The following INPP4B variants were observed in gnomAD, a reference collection of about 807,000 sequenced individuals.
The protein encoded by INPP4B is inositol polyphosphate 4-phosphatase type II.
INPP4B carries 55 observed loss-of-function variants against 122.5 expected under a neutral mutation model. The ratio of observed to expected loss-of-function variants is 0.45; its 90% CI spans 0.36 to 0.56. INPP4B has a LOEUF of 0.56. INPP4B is among the 20% of genes least tolerant of loss of function. The pLI, the probability that INPP4B is intolerant of heterozygous loss-of-function variation, is 0.00. For missense variants in INPP4B, 1,000 were observed against 1,097.7 expected (o/e 0.91, Z 1.26); for synonymous variants, 403 against 388.7 (o/e 1.04, Z -0.43).
intron 3 of INPP4B, among the ~76,000 whole-genome samples, chr4:142,459,598 C>A (rs868283272): frequency 2.0e-5 from 3 of 152,066 alleles, no homozygotes; most frequent in African/African-American, 7.2e-5. Context: ...CATGCAGAAG[C>A]AGCACATTTT....
chr4:142,433,452 T>C (rs1406295905), intron 3 of INPP4B, among the ~76,000 whole-genome samples: 1 of 152,102 alleles, frequency 6.6e-6, no homozygotes, highest in East Asian at 1.9e-4. Flanking sequence ...TCTCTCACCC[T>C]CCCCCAGGGA....
chr4:142,305,225 T>C (rs1050462327), intron 9 of INPP4B, among the ~76,000 whole-genome samples: 4 of 152,200 alleles, frequency 2.6e-5, no homozygotes, highest in Admixed American at 6.5e-5. Context: ...AATGATAATG[T>C]AATATTGTTT....
intron 1 of INPP4B, among the ~76,000 whole-genome samples, chr4:142,812,327 T>C (rs1277091194): frequency 1.3e-5 from 2 of 152,180 alleles, no homozygotes; most frequent in Non-Finnish European, 2.9e-5. Context: ...ACTCCTCTCA[T>C]AGCTGTGGTT....
At chr4:142,696,793 G>C (rs1761091024) in intron 2 of INPP4B, among the ~76,000 whole-genome samples, 1 of 152,170 alleles carries the variant, frequency 6.6e-6, no homozygotes, top group Admixed American at 6.5e-5. Context: ...ATAACACCAA[G>C]GCTGTCCAAG....
intron 23 of INPP4B, among the ~76,000 whole-genome samples, chr4:142,097,010 C>A (rs990551274): frequency 6.6e-6 from 1 of 151,826 alleles, no homozygotes; most frequent in African/African-American, 2.4e-5. Context: ...TCCTGGGGAA[C>A]ACTTATTTAA....
In INPP4B at chr4:142,123,458, G is replaced by A. The variant is rs529853743; in HGVS notation, c.1894-43C>T. ...ATGAGATTTACTGCAGTTAGCAAAC[G>A]TATTTGTTTTATTTTGAAATATTTT... On this transcript the variant is annotated intron_variant, in intron 19 of 25. Coordinates refer to ENST00000262992, the MANE Select transcript of INPP4B (RefSeq NM_001101669.3). 3.0e-5 allele frequency: 48 copies of A among 1,587,986 alleles called. No individual in the cohort carries two copies. In the East Asian group the frequency reaches 6.5e-4, roughly 22 times the overall value.
intron 11 of INPP4B, among the ~76,000 whole-genome samples, chr4:142,252,477 C>T (rs544160280): frequency 3.9e-5 from 6 of 152,166 alleles, no homozygotes; most frequent in Middle Eastern, 3.4e-3. Flanking sequence ...CGTGAGCCAC[C>T]GCGCCCGGCC....
At chr4:142,608,056 A>G (rs761958270) in intron 2 of INPP4B, among the ~76,000 whole-genome samples, 1 of 152,188 alleles carries the variant, frequency 6.6e-6, no homozygotes, top group Non-Finnish European at 1.5e-5. Flanking sequence ...ATTTACTGCT[A>G]TATTTTCAGA....
chr4:142,157,168 A>T (rs896083770), intron 17 of INPP4B, among the ~76,000 whole-genome samples: 4 of 152,124 alleles, frequency 2.6e-5, no homozygotes, highest in African/African-American at 9.7e-5. Context: ...ATTTAATACC[A>T]CAGTCTCTAA....
chr4:142,628,701 T>C (rs1367055278), intron 2 of INPP4B, among the ~76,000 whole-genome samples: 1 of 151,996 alleles, frequency 6.6e-6, no homozygotes, highest in African/African-American at 2.4e-5. Context: ...TTTCATAAGA[T>C]ATGGCCCCAC....
At chr4:142,388,672 A>G (rs765030488) in intron 7 of INPP4B, among the ~76,000 whole-genome samples, 1 of 152,182 alleles carries the variant, frequency 6.6e-6, no homozygotes, top group Non-Finnish European at 1.5e-5. Context: ...TTGCATTTTG[A>G]GAGAGCTTTA....
At chr4:142,113,037 G>A (rs1423673512) in intron 21 of INPP4B, among the ~76,000 whole-genome samples, 5 of 151,900 alleles carry the variant, frequency 3.3e-5, no homozygotes, top group African/African-American at 4.8e-5. Context: ...ATAATTTAAT[G>A]ACTGCTGTTT....
rs562097568 is a variant in INPP4B, at chr4:142,064,418, G to A, written c.2642+17613C>T. Among the ~76,000 whole-genome samples the A allele has an allele frequency of 3.4e-4, 51 of 152,132 alleles. 2 individuals are homozygous for A. The South Asian group carries it at 9.6e-3, about 29-fold the overall frequency. The stretch of plus-strand genomic sequence containing the variant: ...TGTGGTCAAGCTGAACCCATGGTAG[G>A]TCTACACAGTGGTCTCGGTTGCCAT... On this transcript the variant is annotated intron_variant, in intron 25 of 25. Coordinates refer to ENST00000262992, the MANE Select transcript of INPP4B (RefSeq NM_001101669.3).
intron 2 of INPP4B, among the ~76,000 whole-genome samples, chr4:142,521,702 C>T (rs1172653061): frequency 1.3e-5 from 2 of 151,930 alleles, no homozygotes; most frequent in African/African-American, 4.8e-5. Flanking sequence ...TTTATACTTT[C>T]GATTCATATA....
chr4:142,146,104 G>A, intron 17 of INPP4B, 108 bp from the exon 18 acceptor site: 2 of 1,208,794 alleles, frequency 1.7e-6, no homozygotes, highest in Non-Finnish European at 1.2e-6. Flanking sequence ...TCATTAGAAT[G>A]CAGATTGAGT....
intron 25 of INPP4B, among the ~76,000 whole-genome samples, chr4:142,051,490 G>A (rs934962839): frequency 4.0e-5 from 6 of 151,664 alleles, no homozygotes; most frequent in Non-Finnish European, 5.9e-5. Context: ...TGGTTTCATC[G>A]GTTTTTGCTT....
chr4:142,222,433 C>T (rs1173773987), intron 12 of INPP4B, among the ~76,000 whole-genome samples: 1 of 152,128 alleles, frequency 6.6e-6, no homozygotes, highest in African/African-American at 2.4e-5. Context: ...TGGTCTAAGC[C>T]ACCATCATCA....
intron 9 of INPP4B, among the ~76,000 whole-genome samples, chr4:142,299,829 T>A (rs1255495924): frequency 6.6e-6 from 1 of 151,414 alleles, no homozygotes; most frequent in East Asian, 1.9e-4. Flanking sequence ...TGGAAGACTA[T>A]TAAAAGAGAA....
At chr4:142,030,071 C>A in intron 25 of INPP4B, 2 of 1,440,536 alleles carry the variant, frequency 1.4e-6, no homozygotes, top group Admixed American at 2.4e-5. Context: ...AGCATTGTCC[C>A]CATAATTTAA....
Sources: allele counts gnomAD v4.1 joint callset (sites outside exome capture counted in the v4.1 genomes callset), GRCh38; gene constraint gnomAD v4.1.1; transcripts MANE v1.5; gene names NCBI Gene and HGNC (gene_info 2026-07-23, HGNC 2026-07-21).